ADAMTS12: variants seen among roughly 807,000 people sequenced by gnomAD.
ADAMTS12 encodes the protein ADAM metallopeptidase with thrombospondin type 1 motif 12.
A neutral mutation model predicts 167.8 loss-of-function variants in ADAMTS12; 118 were observed. The ratio of observed to expected loss-of-function variants is 0.70; its 90% CI spans 0.61 to 0.82. The LOEUF (loss-of-function observed/expected upper bound fraction) is 0.82, where lower values mean the gene tolerates loss of function less well. ADAMTS12 is among the 40% of genes least tolerant of loss of function. ADAMTS12 has a pLI of 0.00. For missense variants in ADAMTS12, 1,916 were observed against 1,998.8 expected (o/e 0.96, Z 0.79); for synonymous variants, 704 against 716.9 (o/e 0.98, Z 0.29).
At chr5:33,844,270 G>A (rs1748859024) in intron 2 of ADAMTS12, among the ~76,000 whole-genome samples, 1 of 152,198 alleles carries the variant, frequency 6.6e-6, no homozygotes, top group African/African-American at 2.4e-5. Context: ...AGTGTTCAGG[G>A]AACAAGAGAG....
At chr5:33,626,975 GGT>G (rs1739672061) in intron 13 of ADAMTS12, among the ~76,000 whole-genome samples, 1 of 150,790 alleles carries the variant, frequency 6.6e-6, no homozygotes, top group African/African-American at 2.4e-5. Flanking sequence ...ATGTGGTAGT[GGT>G]AATGATGATT....
chr5:33,794,151 C>A (rs1407014712), intron 2 of ADAMTS12, among the ~76,000 whole-genome samples: 1 of 152,168 alleles, frequency 6.6e-6, no homozygotes. Context: ...TGACTCAGTT[C>A]CAAGTAAAGT....
At chr5:33,719,364 G>T (rs906107459) in intron 3 of ADAMTS12, among the ~76,000 whole-genome samples, 3 of 152,112 alleles carry the variant, frequency 2.0e-5, no homozygotes, top group Admixed American at 6.5e-5. Flanking sequence ...AGAAGAGCAG[G>T]CACCCTCATA....
Position 33,826,183 on chromosome 5 carries a change from G to C in ADAMTS12, c.489+54936C>G, listed in dbSNP as rs118117679. On this transcript the variant is annotated intron_variant, in intron 2 of 23. Coordinates refer to ENST00000504830, the MANE Select transcript of ADAMTS12 (RefSeq NM_030955.4). ...TCTAAGGGAAGTCAAGAAATAAATT[G>C]TTTTCTCTACTTCTCTTTGAAAATT... Among the ~76,000 whole-genome samples the C allele has an allele frequency of 5.2e-4, 79 of 152,208 alleles. No homozygotes were observed. The East Asian group carries it at 0.015, about 29-fold the overall frequency.
At chr5:33,826,471 T>TATGTATGA (rs1292816954) in intron 2 of ADAMTS12, among the ~76,000 whole-genome samples, 2 of 152,108 alleles carry the variant, frequency 1.3e-5, no homozygotes, top group African/African-American at 4.8e-5. Flanking sequence ...TGCATACATG[T>TATGTATGA]ATGTATGAAT....
intron 6 of ADAMTS12, among the ~76,000 whole-genome samples, chr5:33,661,715 G>A (rs1741266756): frequency 6.6e-6 from 1 of 152,228 alleles, no homozygotes; most frequent in Non-Finnish European, 1.5e-5. Flanking sequence ...TTAACAAGGA[G>A]AGCTTTGTCG....
rs897663124 is a variant in ADAMTS12 at position 33,866,262 on chromosome 5, T to C, written c.489+14857A>G. Among the ~76,000 whole-genome samples, 3 of 152,142 alleles carry C rather than the reference T, an allele frequency of 2.0e-5. No homozygotes were observed. In the South Asian group the frequency reaches 6.2e-4, roughly 32 times the overall value. ...AAATAGATACATAGGCCAATGGAAC[T>C]GAATAGAGAACCCAGAAATAAAGCC... On this transcript the variant is annotated intron_variant, in intron 2 of 23. Coordinates refer to ENST00000504830, the MANE Select transcript of ADAMTS12 (RefSeq NM_030955.4).
chr5:33,731,756 C>T (rs1744202561), intron 3 of ADAMTS12, among the ~76,000 whole-genome samples: 1 of 152,112 alleles, frequency 6.6e-6, no homozygotes, highest in African/African-American at 2.4e-5. Flanking sequence ...TAGAGAGATG[C>T]CAGAGGTCTG....
chr5:33,574,221 A>G (rs1330939428), intron 19 of ADAMTS12, among the ~76,000 whole-genome samples: 2 of 152,014 alleles, frequency 1.3e-5, no homozygotes, highest in East Asian at 1.9e-4. Context: ...TAGAAATACC[A>G]TTTGACCCAG....
At chr5:33,714,240 T>C (rs1220437484) in intron 3 of ADAMTS12, among the ~76,000 whole-genome samples, 2 of 151,996 alleles carry the variant, frequency 1.3e-5, no homozygotes, top group Non-Finnish European at 2.9e-5. Context: ...TCACCCCAGT[T>C]AGGAAGGCTA....
intron 18 of ADAMTS12, among the ~76,000 whole-genome samples, chr5:33,577,409 C>G (rs1746814711): frequency 6.6e-6 from 1 of 152,202 alleles, no homozygotes. Context: ...TGTAGTCAAA[C>G]TGCAGTCCCT....
intron 2 of ADAMTS12, among the ~76,000 whole-genome samples, chr5:33,803,850 C>G (rs1310350856): frequency 1.3e-5 from 2 of 152,164 alleles, no homozygotes; most frequent in African/African-American, 4.8e-5. Flanking sequence ...AAAACCTGCT[C>G]CCATGATTCA....
At chr5:33,670,730 G>A (rs908158578) in intron 5 of ADAMTS12, among the ~76,000 whole-genome samples, 7 of 152,178 alleles carry the variant, frequency 4.6e-5, no homozygotes, top group African/African-American at 1.4e-4. Context: ...CGGCAAAAGC[G>A]AGACTCTATC....
chr5:33,862,962 T>C (rs1463115445), intron 2 of ADAMTS12, among the ~76,000 whole-genome samples: 1 of 152,124 alleles, frequency 6.6e-6, no homozygotes. Flanking sequence ...TCTCAATAGA[T>C]ACAGAAAAGG....
chr5:33,757,065 A>T (rs927971034), intron 2 of ADAMTS12, among the ~76,000 whole-genome samples: 5 of 152,322 alleles, frequency 3.3e-5, no homozygotes, highest in African/African-American at 1.2e-4. Flanking sequence ...ATTTGTAAAG[A>T]TTGGCCAAGT....
chr5:33,615,829 T>C lies in ADAMTS12; in HGVS notation c.2387A>G (p.Gln796Arg), dbSNP rs1454697014. Residue 796 changes from glutamine (Q) to arginine (R), a missense_variant and splice_region_variant, in exon 15 of 24, where the codon CAG (glutamine) becomes CGG (arginine). Coordinates refer to ENST00000504830, the MANE Select transcript of ADAMTS12 (RefSeq NM_030955.4). ...TGPTNESVWI[Q>R]LLFQVTNPGI... The stretch of plus-strand genomic sequence containing the variant: ...CAGTTTCCCTCCTTTCTGCATTACC[T>C]GGATCCACACAGACTCATTGGTGGG... 1.2e-6 allele frequency: 2 copies of C among 1,613,810 alleles called. No individual in the cohort carries two copies. Among genetic ancestry groups the C allele is most frequent in the Non-Finnish European group, 1.7e-6 (2 of 1,179,944 alleles).
At chr5:33,817,706 T>C (rs1373155261) in intron 2 of ADAMTS12, among the ~76,000 whole-genome samples, 1 of 151,902 alleles carries the variant, frequency 6.6e-6, no homozygotes, top group Non-Finnish European at 1.5e-5. Flanking sequence ...ACACAGATTC[T>C]CTTTTAAAAA....
intron 2 of ADAMTS12, among the ~76,000 whole-genome samples, chr5:33,763,773 A>G (rs1745436111): frequency 6.6e-6 from 1 of 152,192 alleles, no homozygotes; most frequent in Non-Finnish European, 1.5e-5. Flanking sequence ...GATATATTCC[A>G]TTCTGTGCCA....
At chr5:33,855,336 C>T (rs1324519786) in intron 2 of ADAMTS12, among the ~76,000 whole-genome samples, 1 of 152,186 alleles carries the variant, frequency 6.6e-6, no homozygotes, top group African/African-American at 2.4e-5. Context: ...AATGCTTAAT[C>T]CTTGCATTTC....
Sources: allele counts gnomAD v4.1 joint callset (sites outside exome capture counted in the v4.1 genomes callset), GRCh38; gene constraint gnomAD v4.1.1; transcripts MANE v1.5; gene names NCBI Gene and HGNC (gene_info 2026-07-23, HGNC 2026-07-21).